Variants in MARK1 observed in about 807,000 individuals in gnomAD.
MARK1 encodes the protein serine/threonine-protein kinase MARK1.
Under a neutral mutation model 96.3 loss-of-function variants are expected in MARK1, and 40 were observed. That is an observed-to-expected ratio of 0.42 (90% CI 0.32 to 0.54). The LOEUF (loss-of-function observed/expected upper bound fraction) is 0.54, where lower values mean the gene tolerates loss of function less well. Among genes scored for constraint, MARK1 ranks in the 20% least tolerant of loss-of-function variants. The pLI is 0.16. For missense variants in MARK1, 719 were observed against 984.6 expected, an observed-to-expected ratio of 0.73 and a Z score of 3.61; for synonymous variants, 317 against 341.2, an observed-to-expected ratio of 0.93 and a Z score of 0.78.
At chr1:220,533,748 T>C (rs188341402) in intron 1 of MARK1, among the ~76,000 whole-genome samples, 5 of 152,310 alleles carry the variant, frequency 3.3e-5, no homozygotes, top group Admixed American at 3.3e-4. Flanking sequence ...TGGATTCATA[T>C]GTCTCATCAG....
At chr1:220,647,897 G>A (rs1668668599) in intron 13 of MARK1, among the ~76,000 whole-genome samples, 1 of 152,082 alleles carries the variant, frequency 6.6e-6, no homozygotes. Context: ...TTTCAGAGGA[G>A]GGCGGAGGTC....
chr1:220,528,205 C>A lies in MARK1; in HGVS notation c.-618C>A, dbSNP rs1253710334. 6.6e-6 allele frequency: 1 copy of A among 150,384 alleles called. No homozygotes were observed. The highest frequency in any genetic ancestry group is 2.0e-4 in the East Asian group (1 of 5,102). The allele number at this position is 150,384 out of a possible 1,614,324, so 9.3% of individuals were successfully genotyped here. On this transcript the variant is annotated 5_prime_UTR_variant, in exon 1 of 18. Transcript: ENST00000366917. Reference sequence around the variant, plus strand: ...CCCGCTGCTCCGCGCGCAGCCGGCTCGGGCCGCTCCTCCTGACTGAGGCGC... The same window carrying A: ...CCCGCTGCTCCGCGCGCAGCCGGCTAGGGCCGCTCCTCCTGACTGAGGCGC...
Position 220,618,525 on chromosome 1 carries a change from T to G in MARK1, c.768T>G (p.Pro256=), listed in dbSNP as rs1191621162. 3.7e-6 allele frequency: 6 copies of G among 1,614,134 alleles called. No individual in the cohort carries two copies. Among genetic ancestry groups the G allele is most frequent in the Non-Finnish European group, 5.1e-6 (6 of 1,179,988 alleles). ...ILYTLVSGSL[P]FDGQNLKELR... ...ATACATTAGTCAGTGGCTCCTTGCCTTTCGATGGCCAGAATTTAAAGGTAT... is the reference window on the plus strand; with the variant it reads ...ATACATTAGTCAGTGGCTCCTTGCCGTTCGATGGCCAGAATTTAAAGGTAT... Residue 256 remains proline (P), a synonymous_variant, in exon 8 of 18, where the codon CCT becomes CCG. Transcript: ENST00000366917. The surrounding 1 kb of genome is among the most constrained non-coding windows in gnomAD (Gnocchi z 4.6).
At chr1:220,630,019 C>G (rs1242463667) in intron 9 of MARK1, among the ~76,000 whole-genome samples, 3 of 152,056 alleles carry the variant, frequency 2.0e-5, no homozygotes, top group Non-Finnish European at 2.9e-5. Flanking sequence ...TTTGAGGAAC[C>G]TCTGTACTAT....
intron 1 of MARK1, among the ~76,000 whole-genome samples, chr1:220,539,666 A>G (rs1660992866): frequency 3.3e-5 from 5 of 152,074 alleles, no homozygotes. Context: ...AATGTGGTAT[A>G]TATCACATTG....
chr1:220,533,859 C>T (rs72732697), intron 1 of MARK1, among the ~76,000 whole-genome samples: 12 of 152,234 alleles, frequency 7.9e-5, no homozygotes, highest in Non-Finnish European at 5.9e-5. Context: ...ATTTATCATT[C>T]TATCCTTCAT....
intron 1 of MARK1, among the ~76,000 whole-genome samples, chr1:220,534,200 A>C (rs1660522747): frequency 6.6e-6 from 1 of 151,884 alleles, no homozygotes; most frequent in African/African-American, 2.4e-5. Context: ...ATTAGTGCAT[A>C]TTTTGGGGGT....
chr1:220,660,605 G>A (rs1326133129), intron 17 of MARK1, among the ~76,000 whole-genome samples: 1 of 151,776 alleles, frequency 6.6e-6, no homozygotes, highest in Non-Finnish European at 1.5e-5. Context: ...ATCTCTATTT[G>A]GATAATTGTT....
intron 1 of MARK1, among the ~76,000 whole-genome samples, chr1:220,567,649 A>G (rs1018455217): frequency 1.3e-5 from 2 of 152,182 alleles, no homozygotes; most frequent in African/African-American, 4.8e-5. Context: ...AATTGTGACA[A>G]GGACAGTAAT....
At chr1:220,657,427 A>G (rs758787862) in intron 16 of MARK1, among the ~76,000 whole-genome samples, 2 of 152,212 alleles carry the variant, frequency 1.3e-5, no homozygotes, top group African/African-American at 2.4e-5. Context: ...ATAATTACAA[A>G]TTTGAAGTTG....
At chr1:220,595,066 A>T (rs1301053934) in intron 3 of MARK1, among the ~76,000 whole-genome samples, 1 of 152,044 alleles carries the variant, frequency 6.6e-6, no homozygotes, top group Non-Finnish European at 1.5e-5. Context: ...CTGGTTTGGG[A>T]TGTTGATGGT....
chr1:220,531,451 CTT>C (rs1660308942), intron 1 of MARK1, among the ~76,000 whole-genome samples: 2 of 152,114 alleles, frequency 1.3e-5, no homozygotes, highest in African/African-American at 2.4e-5. Context: ...AAAACACCAT[CTT>C]GATATTTCGT....
intron 13 of MARK1, among the ~76,000 whole-genome samples, chr1:220,641,700 C>T (rs1668279083): frequency 1.3e-5 from 2 of 150,870 alleles, no homozygotes; most frequent in South Asian, 2.1e-4. Context: ...GATTTCTGCC[C>T]TTCCAACTGA....
rs901180766 is a variant in MARK1, at chr1:220,662,307, G to C, written c.*141G>C. The C allele has an allele frequency of 1.6e-6, 1 of 609,894 alleles. No individual in the cohort carries two copies. The highest frequency in any genetic ancestry group is 2.7e-5 in the East Asian group (1 of 36,380). The allele number at this position is 609,894 out of a possible 1,614,324, so 37.8% of individuals were successfully genotyped here. A position where few individuals can be genotyped will look rare whatever the true frequency, so the allele number is the denominator to read the frequency against. ...CCTTAATGCAATAAGGTTATACATAGTTATGAACTGTAAAATTAAAGTCAG... is the reference window on the plus strand; with the variant it reads ...CCTTAATGCAATAAGGTTATACATACTTATGAACTGTAAAATTAAAGTCAG... On this transcript the variant is annotated 3_prime_UTR_variant, in exon 18 of 18. Transcript: ENST00000366917.
chr1:220,620,530 G>A (rs767054494), intron 9 of MARK1, among the ~76,000 whole-genome samples: 20 of 152,028 alleles, frequency 1.3e-4, no homozygotes, highest in Non-Finnish European at 2.5e-4. Flanking sequence ...TATTTTGGGG[G>A]GATAGATATT....
intron 1 of MARK1, among the ~76,000 whole-genome samples, chr1:220,539,237 T>A (rs554110794): frequency 1.3e-5 from 2 of 152,090 alleles, no homozygotes; most frequent in Admixed American, 6.5e-5. Context: ...TTTTGAGATA[T>A]GTCCCATCAA....
chr1:220,557,235 A>G (rs1487235616), intron 1 of MARK1, among the ~76,000 whole-genome samples: 2 of 152,176 alleles, frequency 1.3e-5, no homozygotes, highest in African/African-American at 4.8e-5. Context: ...ATGAGAGAAA[A>G]TATCAGTCTC....
At chr1:220,611,560 T>C (rs1666445442) in intron 6 of MARK1, among the ~76,000 whole-genome samples, 1 of 152,140 alleles carries the variant, frequency 6.6e-6, no homozygotes, top group Non-Finnish European at 1.5e-5. Flanking sequence ...CTCCGTGGGC[T>C]GCACCCACTG....
At chr1:220,571,268 G>A (rs1306638150) in intron 1 of MARK1, among the ~76,000 whole-genome samples, 4 of 152,226 alleles carry the variant, frequency 2.6e-5, no homozygotes, top group South Asian at 2.1e-4. Flanking sequence ...TGTAAAAGAC[G>A]TAGTGCGTGA....
Sources: gnomAD v4.1 joint callset for allele counts (sites outside exome capture counted in the v4.1 genomes callset) on GRCh38, gnomAD v4.1.1 for gene constraint, Gnocchi (gnomAD v3.1) non-coding constraint, MANE v1.5 for transcripts, NCBI Gene and HGNC (gene_info 2026-07-23, HGNC 2026-07-21) for gene names.